Variants in DYNC2H1 observed in about 807,000 individuals in gnomAD.
The protein encoded by DYNC2H1 is dynein cytoplasmic 2 heavy chain 1.
Under a neutral mutation model 570.0 loss-of-function variants are expected in DYNC2H1, and 410 were observed. The observed-to-expected ratio is 0.72, with a 90% confidence interval of 0.66 to 0.78. DYNC2H1 has a LOEUF of 0.78. Among genes scored for constraint, DYNC2H1 ranks in the 30% least tolerant of loss-of-function variants. DYNC2H1 has a pLI of 0.00. For missense variants in DYNC2H1, 4,865 were observed against 5,046.4 expected (o/e 0.96, Z 1.09); for synonymous variants, 1,688 against 1,677.6 (o/e 1.01, Z -0.15).
intron 88 of DYNC2H1, among the ~76,000 whole-genome samples, chr11:103,474,436 G>A (rs1945489453): frequency 6.6e-6 from 1 of 152,164 alleles, no homozygotes; most frequent in Non-Finnish European, 1.5e-5. Flanking sequence ...GTCTTCATAT[G>A]TGTTTTGTTA....
intron 75 of DYNC2H1, among the ~76,000 whole-genome samples, chr11:103,288,684 T>TAAAAAAAAAAAAAAAAAA (rs57040929): frequency 1.1e-4 from 3 of 27,914 alleles, no homozygotes; most frequent in Non-Finnish European, 1.8e-4. Flanking sequence ...CCGTCTCTAC[T>TAAAAAAAAAAAAAAAAAA]AAAAAAAAAA....
At chr11:103,404,777 G>C (rs1234712592) in intron 84 of DYNC2H1, 3 of 151,760 alleles carry the variant, frequency 2.0e-5, no homozygotes, top group African/African-American at 7.3e-5. Context: ...GAATTAGCTA[G>C]TATAATGCTG....
chr11:103,397,017 AC>A (rs1443692873), intron 83 of DYNC2H1, among the ~76,000 whole-genome samples: 1 of 152,212 alleles, frequency 6.6e-6, no homozygotes, highest in Non-Finnish European at 1.5e-5. Flanking sequence ...TAAATAGTGC[AC>A]ATTGTACTTC....
In DYNC2H1 at chr11:103,204,210, C is replaced by T. The variant is rs1441447139; in HGVS notation, c.8311+434C>T. The stretch of plus-strand genomic sequence containing the variant: ...GAGAATAGCATGGGAAATACCTGCC[C>T]CGCTCCATGATTCAATCATGTCCCA... On this transcript the variant is annotated intron_variant, in intron 51 of 88. Transcript: ENST00000375735. This position sits in a 1 kb window ranked among gnomAD's most constrained non-coding sequence, Gnocchi z 4.1. 1.3e-5 allele frequency among the ~76,000 whole-genome samples: 2 copies of T among 152,066 alleles called. No individual in the cohort carries two copies. The highest frequency in any genetic ancestry group is 4.8e-5 in the African/African-American group (2 of 41,406).
rs550577283 is a variant in DYNC2H1 at position 103,323,878 on chromosome 11, A to G, written c.11935-8A>G. Reference sequence around the variant, plus strand: ...TAAAAAAACTGTTTTTCACTTCTTTATATTTAGGACTATCGTGCTGTCATT... The same window carrying G: ...TAAAAAAACTGTTTTTCACTTCTTTGTATTTAGGACTATCGTGCTGTCATT... On this transcript the variant is annotated splice_region_variant and splice_polypyrimidine_tract_variant and intron_variant, in intron 81 of 88. Coordinates refer to ENST00000375735, the MANE Select transcript of DYNC2H1 (RefSeq NM_001377.3). The G allele has an allele frequency of 1.6e-4, 260 of 1,604,124 alleles. 2 individuals are homozygous for G. In the South Asian group the frequency reaches 2.7e-3, roughly 17 times the overall value.
chr11:103,123,161 G>T (rs551920643), intron 11 of DYNC2H1, among the ~76,000 whole-genome samples, 161 bp downstream of exon 11: 1 of 151,984 alleles, frequency 6.6e-6, no homozygotes, highest in African/African-American at 2.4e-5. Context: ...ATTCATTAAG[G>T]CTGGAAACTT....
intron 65 of DYNC2H1, among the ~76,000 whole-genome samples, chr11:103,246,713 A>G (rs556260643): frequency 4.4e-4 from 67 of 152,000 alleles, no homozygotes; most frequent in Middle Eastern, 3.2e-3. Flanking sequence ...AAGAGTGATA[A>G]GTTCCTCATG....
intron 76 of DYNC2H1, among the ~76,000 whole-genome samples, chr11:103,303,527 G>A (rs1275446614): frequency 6.6e-6 from 1 of 152,118 alleles, no homozygotes; most frequent in African/African-American, 2.4e-5. Flanking sequence ...GGAGGCAGGT[G>A]AGTCGAGAGT....
intron 85 of DYNC2H1, among the ~76,000 whole-genome samples, chr11:103,450,428 C>T (rs1181310936): frequency 6.6e-6 from 1 of 152,202 alleles, no homozygotes; most frequent in Non-Finnish European, 1.5e-5. Flanking sequence ...TGGTAGGTCA[C>T]ATTCTGTGCC....
At chr11:103,207,385 A>C (rs141381764) in intron 52 of DYNC2H1, among the ~76,000 whole-genome samples, 132 of 152,274 alleles carry the variant, frequency 8.7e-4, no homozygotes, top group Admixed American at 1.9e-3. Context: ...GATCTAGTGT[A>C]CAAATGGAAG....
chr11:103,354,407 G>A (rs999860029), intron 82 of DYNC2H1, among the ~76,000 whole-genome samples: 19 of 151,528 alleles, frequency 1.3e-4, no homozygotes, highest in African/African-American at 1.7e-4. Flanking sequence ...CATACAATAC[G>A]GTGATTTAGA....
Position 103,256,939 on chromosome 11 carries a change from A to T in DYNC2H1, c.10462-669A>T, listed in dbSNP as rs1865080562. Among the ~76,000 whole-genome samples, 1 of 152,188 alleles carries T rather than the reference A, an allele frequency of 6.6e-6. No individual in the cohort carries two copies. Among genetic ancestry groups the T allele is most frequent in the Non-Finnish European group, 1.5e-5 (1 of 68,032 alleles). Reference sequence around the variant, plus strand: ...CCTAATACTAGTGCTGTTGGTCCTCATTAAGACCAATCTGTGAACCACTTC... The same window carrying T: ...CCTAATACTAGTGCTGTTGGTCCTCTTTAAGACCAATCTGTGAACCACTTC... On this transcript the variant is annotated intron_variant, in intron 68 of 88. Transcript: ENST00000375735. This position sits in a 1 kb window ranked among gnomAD's most constrained non-coding sequence, Gnocchi z 4.0.
At chr11:103,214,507 C>T (rs753666581) in intron 54 of DYNC2H1, among the ~76,000 whole-genome samples, 62 of 135,404 alleles carry the variant, frequency 4.6e-4, no homozygotes, top group Non-Finnish European at 7.0e-4. Context: ...TGTAATAGTG[C>T]GGTCTTGGCT....
intron 84 of DYNC2H1, among the ~76,000 whole-genome samples, chr11:103,417,289 A>AG (rs1491493078): frequency 1.5e-4 from 22 of 150,940 alleles, no homozygotes; most frequent in Middle Eastern, 3.4e-3. Context: ...CATGTTGGTC[A>AG]GGGGGGTTTC....
At position 103,323,112 on chromosome 11, in the gene DYNC2H1, C is replaced by T. The variant is rs1938297286; in HGVS notation, c.11935-774C>T. ...AGTCTCCCATGCCTACTTCAGCAAA[C>T]ACGGTTTAGATGCACGTGCAGTACT... On this transcript the variant is annotated intron_variant, in intron 81 of 88. Transcript: ENST00000375735. Among the ~76,000 whole-genome samples, 5 of 152,174 alleles carry T rather than the reference C, an allele frequency of 3.3e-5. No homozygotes were observed. In the South Asian group the frequency reaches 1.0e-3, roughly 31 times the overall value.
chr11:103,194,943 C>A (rs1374728081), intron 47 of DYNC2H1, among the ~76,000 whole-genome samples: 2 of 152,114 alleles, frequency 1.3e-5, no homozygotes, highest in Non-Finnish European at 2.9e-5. Flanking sequence ...GTTTTGAACT[C>A]CTGACCTGAA....
At position 103,468,723 on chromosome 11, in the gene DYNC2H1, A is replaced by C. The variant is rs774825288; in HGVS notation, c.12765+18A>C. The C allele has an allele frequency of 6.4e-7, 1 of 1,551,112 alleles. No homozygotes were observed. The highest frequency in any genetic ancestry group is 8.9e-7 in the Non-Finnish European group (1 of 1,126,906). ...TTCCACAGGTAATACATTTTTAACA[A>C]GCACAAGTTTTAATTATATCAGTTC... On this transcript the variant is annotated intron_variant, in intron 88 of 88. Transcript: ENST00000375735.
chr11:103,221,929 T>C, intron 57 of DYNC2H1, 101 bp from the exon 58 acceptor site: 2 of 1,204,738 alleles, frequency 1.7e-6, no homozygotes, highest in Non-Finnish European at 2.4e-6. Context: ...TGTTAACTAA[T>C]GGATTAAAAG....
In DYNC2H1 at chr11:103,254,724, A is replaced by G. The variant is rs1261561847; in HGVS notation, c.10207-691A>G. On this transcript the variant is annotated intron_variant, in intron 66 of 88. Coordinates refer to ENST00000375735, the MANE Select transcript of DYNC2H1 (RefSeq NM_001377.3). This position sits in a 1 kb window ranked among gnomAD's most constrained non-coding sequence, Gnocchi z 4.9. The stretch of plus-strand genomic sequence containing the variant: ...GTCATTCTAGTGGGAGTGAAGTGGT[A>G]TCTTATTGTGGTTTTGATGACATAG... 6.6e-6 allele frequency among the ~76,000 whole-genome samples: 1 copy of G among 152,006 alleles called. No individual in the cohort carries two copies. The highest frequency in any genetic ancestry group is 1.5e-5 in the Non-Finnish European group (1 of 67,964).
Sources: allele counts gnomAD v4.1 joint callset (sites outside exome capture counted in the v4.1 genomes callset), GRCh38; gene constraint gnomAD v4.1.1; non-coding constraint Gnocchi (gnomAD v3.1); transcripts MANE v1.5; gene names NCBI Gene and HGNC (gene_info 2026-07-23, HGNC 2026-07-21).